The following SGCD variants were observed in gnomAD, a reference collection of about 807,000 sequenced individuals.
SGCD encodes the protein delta-sarcoglycan.
In SGCD, 18 loss-of-function variants were observed where a neutral mutation model predicts 36.6. The ratio of observed to expected loss-of-function variants is 0.49; its 90% confidence interval spans 0.34 to 0.73. SGCD has a LOEUF of 0.73. Ranked by LOEUF, SGCD falls within the 30% of genes least tolerant of loss-of-function variation. The pLI, the probability that SGCD is intolerant of heterozygous loss-of-function variation, is 0.01. For missense variants in SGCD, 387 were observed against 346.7 expected (o/e 1.12, Z -0.92); for synonymous variants, 133 against 130.6 (o/e 1.02, Z -0.12).
At chr5:156,194,167 TA>T (rs1469551403) in intron 3 of SGCD, among the ~76,000 whole-genome samples, 1 of 152,100 alleles carries the variant, frequency 6.6e-6, no homozygotes, top group Non-Finnish European at 1.5e-5. Flanking sequence ...CTTGAGCCCA[TA>T]AGTTCAGGGC....
At chr5:156,321,428 TAAAC>T (rs146196490) in intron 3 of SGCD, among the ~76,000 whole-genome samples, 3 of 151,626 alleles carry the variant, frequency 2.0e-5, no homozygotes, top group African/African-American at 7.3e-5. Context: ...TGAAAATAAA[TAAAC>T]AAATAAATAA....
At chr5:156,601,849 A>C (rs569397681) in intron 6 of SGCD, among the ~76,000 whole-genome samples, 82 of 151,418 alleles carry the variant, frequency 5.4e-4, no homozygotes, top group South Asian at 4.2e-3. Flanking sequence ...ACGCCCGGCT[A>C]ATTTTTCTAT....
chr5:156,737,842 C>A (rs1756453358), intron 7 of SGCD, among the ~76,000 whole-genome samples: 1 of 152,136 alleles, frequency 6.6e-6, no homozygotes, highest in Non-Finnish European at 1.5e-5. Flanking sequence ...CTAGTCCAAC[C>A]CTCTCATTGT....
At chr5:156,734,842 T>G (rs1756266648) in intron 7 of SGCD, among the ~76,000 whole-genome samples, 1 of 152,218 alleles carries the variant, frequency 6.6e-6, no homozygotes, top group Non-Finnish European at 1.5e-5. Flanking sequence ...TTTGTTCTGA[T>G]CCATATTCTG....
chr5:156,041,956 A>G (rs574242328), intron 1 of SGCD, among the ~76,000 whole-genome samples: 46 of 152,274 alleles, frequency 3.0e-4, no homozygotes, highest in African/African-American at 1.1e-3. Flanking sequence ...ATAGGAAAGA[A>G]ATAGGTGTCA....
chr5:156,159,483 C>T (rs1055533515), intron 3 of SGCD, among the ~76,000 whole-genome samples: 1 of 151,230 alleles, frequency 6.6e-6, no homozygotes, highest in Admixed American at 6.6e-5. Flanking sequence ...ATAAAAAAAA[C>T]AAAACAAAAC....
chr5:156,420,342 A>G (rs1442231120), intron 3 of SGCD, among the ~76,000 whole-genome samples: 2 of 152,128 alleles, frequency 1.3e-5, no homozygotes, highest in African/African-American at 4.8e-5. Flanking sequence ...AGCTCTTTCA[A>G]AGGTGAAGTT....
At chr5:155,956,018 G>T (rs772691688) in intron 1 of SGCD, among the ~76,000 whole-genome samples, 1 of 152,012 alleles carries the variant, frequency 6.6e-6, no homozygotes, top group Non-Finnish European at 1.5e-5. Flanking sequence ...AATAGGTGGA[G>T]GAGGCAGACA....
intron 1 of SGCD, among the ~76,000 whole-genome samples, chr5:156,020,680 C>G (rs1759078217): frequency 6.6e-6 from 1 of 152,154 alleles, no homozygotes. Flanking sequence ...ACCCTCTGCT[C>G]CAAAGACCTG....
chr5:156,396,402 A>C (rs1382944291), intron 3 of SGCD, among the ~76,000 whole-genome samples: 1 of 152,176 alleles, frequency 6.6e-6, no homozygotes, highest in Non-Finnish European at 1.5e-5. Flanking sequence ...CATTAGCAGC[A>C]AAATATTTTA....
At chr5:156,537,169 C>A (rs1758150131) in intron 4 of SGCD, among the ~76,000 whole-genome samples, 1 of 152,122 alleles carries the variant, frequency 6.6e-6, no homozygotes. Flanking sequence ...CATGGGGAAA[C>A]TTCTTGTCTC....
At chr5:155,759,581 A>G in the SGCD span, among the ~76,000 whole-genome samples, 2 of 152,248 alleles carry the variant, frequency 1.3e-5, no homozygotes, top group African/African-American at 4.8e-5. Context: ...GGGCTTGTGT[A>G]CAAGATAGCA....
At chr5:156,609,204 A>T (rs975833967) in intron 6 of SGCD, among the ~76,000 whole-genome samples, 5 of 151,736 alleles carry the variant, frequency 3.3e-5, no homozygotes, top group Non-Finnish European at 7.4e-5. Flanking sequence ...TTCCATGTTG[A>T]GTGCTTCCTT....
chr5:156,337,609 A>G (rs1053782322), intron 2 of SGCD, among the ~76,000 whole-genome samples: 5 of 152,130 alleles, frequency 3.3e-5, no homozygotes, highest in African/African-American at 4.8e-5. Flanking sequence ...ATGACCTTCC[A>G]TGACCAGAGT....
chr5:156,455,706 G>C (rs1754228029), intron 3 of SGCD, among the ~76,000 whole-genome samples: 1 of 152,148 alleles, frequency 6.6e-6, no homozygotes, highest in Non-Finnish European at 1.5e-5. Context: ...GTGATTGAAG[G>C]CTTGATTTTT....
chr5:156,166,970 C>A (rs907363314), intron 3 of SGCD, among the ~76,000 whole-genome samples: 5 of 152,158 alleles, frequency 3.3e-5, no homozygotes, highest in Admixed American at 6.5e-5. Context: ...CTCCTTGATT[C>A]TCCATTCTGA....
At chr5:156,253,108 C>T (rs116071410) in intron 3 of SGCD, among the ~76,000 whole-genome samples, 130 of 152,204 alleles carry the variant, frequency 8.5e-4, no homozygotes, top group African/African-American at 3.1e-3. Context: ...TTATTAAAGG[C>T]AGAGAGATTA....
At chr5:156,697,402 T>C (rs1754362709) in intron 7 of SGCD, among the ~76,000 whole-genome samples, 1 of 152,282 alleles carries the variant, frequency 6.6e-6, no homozygotes, top group African/African-American at 2.4e-5. Flanking sequence ...TACTTTTTTG[T>C]TCTTCTCACA....
chr5:156,753,361 C>T (rs947551334), intron 7 of SGCD, among the ~76,000 whole-genome samples: 2 of 152,326 alleles, frequency 1.3e-5, no homozygotes, highest in Middle Eastern at 3.4e-3. Flanking sequence ...CAAGAGTCAG[C>T]AGGACCCTTA....
Sources: allele counts gnomAD v4.1 joint callset (sites outside exome capture counted in the v4.1 genomes callset), GRCh38; gene constraint gnomAD v4.1.1; transcripts MANE v1.5; gene names NCBI Gene and HGNC (gene_info 2026-07-23, HGNC 2026-07-21).